Variants in TET2 observed in about 807,000 individuals in gnomAD.
The protein encoded by TET2 is tet methylcytosine dioxygenase 2, also known as methylcytosine dioxygenase TET2.
Under a neutral mutation model 142.9 loss-of-function variants are expected in TET2, and 299 were observed. The observed-to-expected ratio is 2.09, with a 90% CI of 1.90 to 2.30. TET2 has a LOEUF of 2.30. TET2 is among the 30% of genes most tolerant of loss of function. The probability of loss-of-function intolerance (pLI) is 0.00; values close to 1 mark genes in which losing one functional copy is unlikely to be tolerated. For synonymous variants in TET2, 819 were observed against 849.0 expected, an observed-to-expected ratio of 0.96 and a Z score of 0.61; for missense variants, 2,418 against 2,378.0, an observed-to-expected ratio of 1.02 and a Z score of -0.35.
At position 105,234,848 on chromosome 4, in the gene TET2, T is replaced by C. The variant is rs1362239946; in HGVS notation, c.906T>C (p.Asp302=). ...VSEACDADDA[D]NASKLAAMLN... ...AGGCCTGTGATGCTGATGATGCTGA[T>C]AATGCCAGTAAACTAGCTGCAATGC... The change falls in exon 3 of 11, where the codon GAT becomes GAC. Residue 302 remains aspartate (D), a synonymous_variant. Transcript: ENST00000380013. 3 of 1,614,104 alleles carry C rather than the reference T, an allele frequency of 1.9e-6. No homozygotes were observed. The highest frequency in any genetic ancestry group is 2.2e-5 in the South Asian group (2 of 91,088).
intron 2 of TET2, among the ~76,000 whole-genome samples, chr4:105,232,428 A>G (rs775968379): frequency 6.6e-6 from 1 of 152,198 alleles, no homozygotes; most frequent in Non-Finnish European, 1.5e-5. Flanking sequence ...GTCCTCTGAA[A>G]TTACCGCACT....
chr4:105,267,663 C>A (rs1730751401), intron 8 of TET2, among the ~76,000 whole-genome samples: 1 of 149,906 alleles, frequency 6.7e-6, no homozygotes. Context: ...AAACAAATAG[C>A]AAGATGGTTT....
rs112576862 is a variant in TET2 at position 105,236,327 on chromosome 4, C to A, written c.2385C>A (p.Ser795Arg). The change falls in exon 3 of 11, where the codon AGC becomes AGA. Residue 795 changes from serine (S) to arginine (R), a missense_variant. Transcript: ENST00000380013. ...GTGAAAATCAGTATTCAAAATCAAG[C>A]GAGTTCGAGACTCATAATGTCCAAA... ...FHGENQYSKS[S>R]EFETHNVQMG... 8.7e-6 allele frequency: 14 copies of A among 1,613,950 alleles called. No homozygotes were observed. Among genetic ancestry groups the A allele is most frequent in the Non-Finnish European group, 1.2e-5 (14 of 1,179,986 alleles).
At chr4:105,237,633 G>T in intron 3 of TET2, 2 of 1,414,436 alleles carry the variant, frequency 1.4e-6, no homozygotes, top group Non-Finnish European at 1.8e-6. Flanking sequence ...ATCTGTTTTA[G>T]ATCAATTCGC....
intron 1 of TET2, among the ~76,000 whole-genome samples, chr4:105,175,747 T>C (rs1463122548): frequency 6.6e-6 from 1 of 151,932 alleles, no homozygotes; most frequent in East Asian, 1.9e-4. Flanking sequence ...AGGATAAATG[T>C]CCCAAAACTA....
chr4:105,276,974 A>G lies in TET2; in HGVS notation c.*455A>G, dbSNP rs1731257702. The G allele has an allele frequency of 4.2e-6, 1 of 235,854 alleles. No individual in the cohort carries two copies. 14.6% of individuals were successfully genotyped at this position (235,854 alleles called of 1,614,324 possible). A position where few individuals can be genotyped will look rare whatever the true frequency, so the allele number is the denominator to read the frequency against. ...AATCTTAAAATACCATCTGGTGCTGAATATATGATGTACTGAAATACTGGA... is the reference window on the plus strand; with the variant it reads ...AATCTTAAAATACCATCTGGTGCTGGATATATGATGTACTGAAATACTGGA... On this transcript the variant is annotated 3_prime_UTR_variant, in exon 11 of 11. Coordinates refer to ENST00000380013, the MANE Select transcript of TET2 (RefSeq NM_001127208.3).
chr4:105,240,443 G>T, intron 3 of TET2: 2 of 1,074,910 alleles, frequency 1.9e-6, no homozygotes, highest in Non-Finnish European at 2.3e-6. Context: ...CTTAATTATA[G>T]CTATGCAGCA....
At position 105,276,981 on chromosome 4, in the gene TET2, G is replaced by A; in HGVS notation, c.*462G>A. On this transcript the variant is annotated 3_prime_UTR_variant, in exon 11 of 11. Transcript: ENST00000380013. ...AAATACCATCTGGTGCTGAATATATGATGTACTGAAATACTGGAATTATGG... is the reference window on the plus strand; with the variant it reads ...AAATACCATCTGGTGCTGAATATATAATGTACTGAAATACTGGAATTATGG... 4.3e-6 allele frequency: 1 copy of A among 234,996 alleles called. No homozygotes were observed. The highest frequency in any genetic ancestry group is 8.4e-6 in the Non-Finnish European group (1 of 119,512). The allele number at this position is 234,996 out of a possible 1,614,324, so 14.6% of individuals were successfully genotyped here. A position where few individuals can be genotyped will look rare whatever the true frequency, so the allele number is the denominator to read the frequency against.
rs1553918861 is a variant in TET2, at chr4:105,278,203, T to TATATATATATATATATATATATATATA, written c.*1684_*1685insATATATATATATATATATATATATATA. 16 of 159,026 alleles carry TATATATATATATATATATATATATATA rather than the reference T, an allele frequency of 1.0e-4. No homozygotes were observed. The highest frequency in any genetic ancestry group is 2.7e-4 in the African/African-American group (10 of 37,156). 9.9% of individuals were successfully genotyped at this position (159,026 alleles called of 1,614,324 possible). The stretch of plus-strand genomic sequence containing the variant: ...ATATATATATATATATATATATATA[T>TATATATATATATATATATATATATATA]GAGTTTGAAGCAGAATTCACATCAT... On this transcript the variant is annotated 3_prime_UTR_variant, in exon 11 of 11. Transcript: ENST00000380013.
chr4:105,269,813 T>C (rs913004136), intron 9 of TET2, 66 bp downstream of exon 9: 1 of 1,495,978 alleles, frequency 6.7e-7, no homozygotes. Context: ...TAAAGACATA[T>C]GCAAGACTGG....
rs1201867384 is a variant in TET2 at position 105,275,896 on chromosome 4, G to A, written c.5386G>A (p.Gly1796Arg). 3 of 1,551,888 alleles carry A rather than the reference G, an allele frequency of 1.9e-6. No homozygotes were observed. Among genetic ancestry groups the A allele is most frequent in the Non-Finnish European group, 2.6e-6 (3 of 1,147,038 alleles). Residue 1796 changes from glycine (G) to arginine (R), a missense_variant, in exon 11 of 11, where the codon GGG (glycine) becomes AGG (arginine). Transcript: ENST00000380013. ...ENDMLSHTAN[G>R]LSKMLPALNH... ...TGACATGCTTTCCCACACAGCTAAT[G>A]GGTTATCAAAGATGCTTCCAGCTCT... is the stretch of plus-strand genomic sequence containing the variant.
chr4:105,174,348 A>C (rs72665924), intron 1 of TET2, among the ~76,000 whole-genome samples: 19,094 of 152,234 alleles, frequency 0.13, 1,388 homozygotes, highest in Non-Finnish European at 0.16. Flanking sequence ...TAGAAGATCG[A>C]TATTTTTCTG....
chr4:105,255,353 A>G (rs1267141581), intron 6 of TET2, among the ~76,000 whole-genome samples: 1 of 152,168 alleles, frequency 6.6e-6, no homozygotes, highest in Non-Finnish European at 1.5e-5. Context: ...CACACTTTGC[A>G]CAATTTTTGC....
intron 1 of TET2, among the ~76,000 whole-genome samples, chr4:105,156,971 A>G (rs1234274590): frequency 6.6e-6 from 1 of 152,158 alleles, no homozygotes; most frequent in East Asian, 1.9e-4. Context: ...TTGGCTGTAA[A>G]GTTATCTCAG....
At chr4:105,244,422 T>G (rs1729472647) in intron 6 of TET2, among the ~76,000 whole-genome samples, 1 of 152,082 alleles carries the variant, frequency 6.6e-6, no homozygotes, top group Admixed American at 6.5e-5. Context: ...TTAAATATAT[T>G]TAGTGCATCC....
intron 2 of TET2, among the ~76,000 whole-genome samples, chr4:105,196,012 A>G (rs1290490238): frequency 6.6e-6 from 1 of 152,114 alleles, no homozygotes; most frequent in Non-Finnish European, 1.5e-5. Flanking sequence ...TTCCTATTGC[A>G]TTGAGAGCAT....
intron 8 of TET2, among the ~76,000 whole-genome samples, chr4:105,262,237 C>A (rs1252692312): frequency 6.6e-6 from 1 of 152,078 alleles, no homozygotes; most frequent in Non-Finnish European, 1.5e-5. Context: ...AATTTATAGA[C>A]TTACAAATAT....
At position 105,243,713 on chromosome 4, in the gene TET2, GGAGCTTACCGA is replaced by G; in HGVS notation, c.3741_3751del (p.Glu1247AspfsTer17). The G allele has an allele frequency of 6.4e-7, 1 of 1,551,446 alleles. No individual in the cohort carries two copies. Among genetic ancestry groups the G allele is most frequent in the Non-Finnish European group, 8.7e-7 (1 of 1,146,882 alleles). On this transcript the variant is annotated frameshift_variant, in exon 6 of 11. Coordinates refer to ENST00000380013, the MANE Select transcript of TET2 (RefSeq NM_001127208.3). LOFTEE classifies it high-confidence loss of function. ...TGTCTCTGGCTGACAAACTCTACTC[GGAGCTTACCGA>G]GACGCTGAGGAAATACGGCACGCTC...
At chr4:105,185,646 G>A (rs1224051881) in intron 1 of TET2, among the ~76,000 whole-genome samples, 1 of 152,124 alleles carries the variant, frequency 6.6e-6, no homozygotes, top group African/African-American at 2.4e-5. Flanking sequence ...AGGCGTGGGG[G>A]CATGCGCCTG....
Sources: gnomAD v4.1 joint callset for allele counts (sites outside exome capture counted in the v4.1 genomes callset) on GRCh38, gnomAD v4.1.1 for gene constraint, MANE v1.5 for transcripts, NCBI Gene and HGNC (gene_info 2026-07-23, HGNC 2026-07-21) for gene names.